MDGA2: variants seen among roughly 807,000 people sequenced by gnomAD.
MDGA2 encodes MAM domain containing glycosylphosphatidylinositol anchor 2, also known as MAM domain-containing glycosylphosphatidylinositol anchor protein 2.
In MDGA2, 40 loss-of-function variants were observed where a neutral mutation model predicts 117.8. The ratio of observed to expected loss-of-function variants is 0.34; its 90% CI spans 0.26 to 0.44. MDGA2 has a LOEUF of 0.44. Among genes scored for constraint, MDGA2 ranks in the 20% least tolerant of loss-of-function variants. The pLI, the probability that MDGA2 is intolerant of heterozygous loss-of-function variation, is 1.00. For missense variants in MDGA2, 1,123 were observed against 1,250.6 expected, an observed-to-expected ratio of 0.90 and a Z score of 1.54; for synonymous variants, 452 against 439.0, an observed-to-expected ratio of 1.03 and a Z score of -0.37.
At chr14:47,602,997 C>A (rs578029379) in intron 1 of MDGA2, among the ~76,000 whole-genome samples, 2 of 152,212 alleles carry the variant, frequency 1.3e-5, no homozygotes, top group East Asian at 3.9e-4. Context: ...TAAGTAGAGC[C>A]TATATAGGAC....
chr14:47,634,519 A>G (rs1423610448), intron 1 of MDGA2, among the ~76,000 whole-genome samples: 3 of 152,130 alleles, frequency 2.0e-5, no homozygotes, highest in Non-Finnish European at 4.4e-5. Flanking sequence ...AATTTTATTA[A>G]TGTTGTCTGT....
chr14:47,172,995 G>A (rs1594693121), intron 3 of MDGA2, among the ~76,000 whole-genome samples: 1 of 152,298 alleles, frequency 6.6e-6, no homozygotes, highest in East Asian at 1.9e-4. Context: ...AGAACTATGT[G>A]AAGAATGCAG....
intron 2 of MDGA2, among the ~76,000 whole-genome samples, chr14:47,280,462 C>T (rs1365977321): frequency 6.6e-6 from 1 of 151,296 alleles, no homozygotes; most frequent in Admixed American, 6.6e-5. Context: ...CAGGAAGTTA[C>T]TACATTCAAG....
chr14:47,640,008 C>T (rs1344742432), intron 1 of MDGA2, among the ~76,000 whole-genome samples: 2 of 152,156 alleles, frequency 1.3e-5, no homozygotes, highest in Non-Finnish European at 2.9e-5. Flanking sequence ...TGAATGAGAA[C>T]TCTCAAGTAA....
At chr14:47,319,739 T>C (rs909269722) in intron 1 of MDGA2, among the ~76,000 whole-genome samples, 2 of 152,304 alleles carry the variant, frequency 1.3e-5, no homozygotes, top group East Asian at 1.9e-4. Context: ...AGGAGAAACA[T>C]ACTTTAAAGA....
rs752831829 is a variant in MDGA2 at position 46,855,048 on chromosome 14, A to G, written c.2859T>C (p.Asn953=). ...KGQRWNEAHV[N]IYPITSFQLI... ...CCTGAAATGAAGTAATTGGGTATAT[A>G]TTAACATGAGCCTCATTCCATCTTT... Residue 953 remains asparagine (N), a synonymous_variant, in exon 15 of 17, where the codon AAT becomes AAC. Transcript: ENST00000399232. This position sits in a 1 kb window ranked among gnomAD's most constrained non-coding sequence, Gnocchi z 4.1. 6.2e-7 allele frequency: 1 copy of G among 1,610,258 alleles called. No individual in the cohort carries two copies. The highest frequency in any genetic ancestry group is 1.1e-5 in the South Asian group (1 of 90,430).
intron 1 of MDGA2, among the ~76,000 whole-genome samples, chr14:47,368,573 T>C (rs1891280113): frequency 6.6e-6 from 1 of 152,190 alleles, no homozygotes; most frequent in Non-Finnish European, 1.5e-5. Flanking sequence ...CATGAAATAC[T>C]GCTAGTCGAT....
intron 16 of MDGA2, among the ~76,000 whole-genome samples, chr14:46,844,577 G>A (rs8017685): frequency 0.037 from 5,569 of 151,068 alleles, 367 homozygotes; most frequent in African/African-American, 0.13. Context: ...GCAAAACTCC[G>A]TCTCAAAAAA....
At chr14:46,861,704 TTA>T (rs1360282762) in intron 14 of MDGA2, among the ~76,000 whole-genome samples, 3 of 151,924 alleles carry the variant, frequency 2.0e-5, no homozygotes, top group Non-Finnish European at 4.4e-5. Flanking sequence ...ATAGTAATAA[TTA>T]TATGATTATC....
intron 3 of MDGA2, among the ~76,000 whole-genome samples, chr14:47,186,810 A>G (rs1884929076): frequency 6.6e-6 from 1 of 151,960 alleles, no homozygotes; most frequent in South Asian, 2.1e-4. Context: ...ATCCTCTCTG[A>G]AGAAATATAT....
At chr14:47,001,506 G>C (rs1887528131) in intron 8 of MDGA2, among the ~76,000 whole-genome samples, 1 of 152,010 alleles carries the variant, frequency 6.6e-6, no homozygotes, top group African/African-American at 2.4e-5. Flanking sequence ...ATGGTAGAAA[G>C]ATTTGATGTA....
rs1478597836 is a variant in MDGA2, at chr14:47,293,641, G to C, written c.420+7770C>G. Among the ~76,000 whole-genome samples the C allele has an allele frequency of 2.6e-5, 4 of 152,228 alleles. No homozygotes were observed. The South Asian group carries it at 8.3e-4, about 32-fold the overall frequency. On this transcript the variant is annotated intron_variant, in intron 2 of 16. Transcript: ENST00000399232. The stretch of plus-strand genomic sequence containing the variant: ...CGATTATCATTTACTAAGCATTTAT[G>C]TTGTGCTTGGCACTCTGTTAAATGA...
At chr14:47,176,350 C>T (rs185317232) in intron 3 of MDGA2, among the ~76,000 whole-genome samples, 118 of 152,268 alleles carry the variant, frequency 7.7e-4, no homozygotes, top group East Asian at 2.3e-3. Flanking sequence ...CAAGTCAATC[C>T]TAAGCCAAAA....
intron 1 of MDGA2, among the ~76,000 whole-genome samples, chr14:47,550,776 T>C (rs961867300): frequency 2.0e-5 from 3 of 152,248 alleles, no homozygotes; most frequent in Admixed American, 6.5e-5. Context: ...TATTGCCAGA[T>C]GGGACAATGG....
At chr14:47,575,467 T>C (rs1160166767) in intron 1 of MDGA2, among the ~76,000 whole-genome samples, 1 of 152,196 alleles carries the variant, frequency 6.6e-6, no homozygotes, top group East Asian at 1.9e-4. Flanking sequence ...TAAAACTGTG[T>C]AGACTCTGAG....
At chr14:46,956,951 A>G (rs1290193400) in intron 9 of MDGA2, among the ~76,000 whole-genome samples, 10 of 152,102 alleles carry the variant, frequency 6.6e-5, no homozygotes, top group Non-Finnish European at 1.2e-4. Context: ...CACCATGTGA[A>G]GTAGGTCCTT....
intron 2 of MDGA2, among the ~76,000 whole-genome samples, chr14:47,241,362 C>T (rs765145530): frequency 2.6e-5 from 4 of 151,776 alleles, no homozygotes; most frequent in Admixed American, 6.6e-5. Flanking sequence ...CCTCATATTG[C>T]CTCAGGCTAT....
chr14:46,952,071 T>G (rs968550679), intron 9 of MDGA2, among the ~76,000 whole-genome samples: 2 of 151,912 alleles, frequency 1.3e-5, no homozygotes, highest in Non-Finnish European at 2.9e-5. Context: ...AAACCATAGT[T>G]CAAGGATTTT....
chr14:47,157,821 C>G (rs956302166), intron 3 of MDGA2, among the ~76,000 whole-genome samples: 6 of 151,912 alleles, frequency 3.9e-5, no homozygotes, highest in South Asian at 2.1e-4. Context: ...GGCTCCCCCC[C>G]TCACTCAGCT....
Sources: gnomAD v4.1 joint callset for allele counts (sites outside exome capture counted in the v4.1 genomes callset) on GRCh38, gnomAD v4.1.1 for gene constraint, Gnocchi (gnomAD v3.1) non-coding constraint, MANE v1.5 for transcripts, NCBI Gene and HGNC (gene_info 2026-07-23, HGNC 2026-07-21) for gene names.